FAR2: variants seen among roughly 807,000 people sequenced by gnomAD.
FAR2 encodes the protein fatty acyl-CoA reductase 2.
Under a neutral mutation model 56.0 loss-of-function variants are expected in FAR2, and 19 were observed. The observed-to-expected ratio is 0.34, with a 90% CI of 0.24 to 0.50. The LOEUF is 0.50. Among genes scored for constraint, FAR2 ranks in the 20% least tolerant of loss-of-function variants. FAR2 has a pLI of 0.98. For synonymous variants in FAR2, 219 were observed against 218.8 expected, an observed-to-expected ratio of 1.00 and a Z score of -0.01; for missense variants, 508 against 642.2, an observed-to-expected ratio of 0.79 and a Z score of 2.26.
At chr12:29,216,848 T>C (rs1947627339) in intron 1 of FAR2, among the ~76,000 whole-genome samples, 1 of 152,198 alleles carries the variant, frequency 6.6e-6, no homozygotes, top group African/African-American at 2.4e-5. Flanking sequence ...TAGGAGAAAC[T>C]AGATTTTATC....
Position 29,251,293 on chromosome 12 carries a change from C to A in FAR2, c.-38-19119C>A, listed in dbSNP as rs182929411. ...TGGGGCCAGGTCCCTTGAGGAAGGA[C>A]CCTGATACACTGCCAAAAAATTTAA... is the stretch of plus-strand genomic sequence containing the variant. On this transcript the variant is annotated intron_variant, in intron 1 of 11. Transcript: ENST00000536681. Among the ~76,000 whole-genome samples, 146 of 152,234 alleles carry A rather than the reference C, an allele frequency of 9.6e-4. 1 individual carries two copies. Among genetic ancestry groups the A allele is most frequent in the African/African-American group, 3.5e-3 (146 of 41,530 alleles).
intron 1 of FAR2, among the ~76,000 whole-genome samples, chr12:29,163,239 T>C (rs1232609214): frequency 2.0e-5 from 3 of 152,220 alleles, no homozygotes; most frequent in Non-Finnish European, 2.9e-5. Flanking sequence ...GTGCCTTAGT[T>C]TTCTATTTGT....
intron 8 of FAR2, among the ~76,000 whole-genome samples, chr12:29,314,432 C>CTTT (rs35073792): frequency 5.4e-4 from 78 of 143,946 alleles, no homozygotes; most frequent in Admixed American, 9.0e-4. Flanking sequence ...CCCTGTAGAT[C>CTTT]TTTTTTTTTT....
intron 10 of FAR2, among the ~76,000 whole-genome samples, chr12:29,330,051 T>G (rs1302854572): frequency 7.3e-6 from 1 of 136,866 alleles, no homozygotes; most frequent in East Asian, 2.2e-4. Context: ...CAAATACATT[T>G]ATGACTTTTT....
intron 1 of FAR2, among the ~76,000 whole-genome samples, chr12:29,269,970 C>G (rs574371547): frequency 6.6e-6 from 1 of 152,348 alleles, no homozygotes; most frequent in Non-Finnish European, 1.5e-5. Flanking sequence ...TGCCCTTGCT[C>G]TTTCCTTGGC....
At chr12:29,176,883 AAAG>A (rs1183524100) in intron 1 of FAR2, among the ~76,000 whole-genome samples, 1 of 152,240 alleles carries the variant, frequency 6.6e-6, no homozygotes, top group Non-Finnish European at 1.5e-5. Flanking sequence ...ATACTTTTTC[AAAG>A]AAGAAGTGAT....
At chr12:29,257,554 C>T (rs1221070101) in intron 1 of FAR2, among the ~76,000 whole-genome samples, 2 of 152,186 alleles carry the variant, frequency 1.3e-5, no homozygotes, top group Admixed American at 1.3e-4. Context: ...ACTGCTCACT[C>T]TTTGGGTCCA....
intron 1 of FAR2, among the ~76,000 whole-genome samples, chr12:29,193,139 C>T (rs965551562): frequency 3.3e-5 from 5 of 152,050 alleles, no homozygotes; most frequent in South Asian, 2.1e-4. Flanking sequence ...GAAAGTTCAG[C>T]GAGTTCCCAT....
rs1481589962 is a variant in FAR2, at chr12:29,178,372, T to C, written c.-39+28965T>C. 2.0e-5 allele frequency among the ~76,000 whole-genome samples: 3 copies of C among 152,212 alleles called. No homozygotes were observed. The East Asian group carries it at 5.8e-4, about 29-fold the overall frequency. ...ACTTTGGGAGGCTGAGGTGGGCAGA[T>C]TGCTTGAGCCCAGGAGTTGGAGACT... On this transcript the variant is annotated intron_variant, in intron 1 of 11. Coordinates refer to ENST00000536681, the MANE Select transcript of FAR2 (RefSeq NM_001271783.2).
intron 4 of FAR2, chr12:29,301,946 C>CT (rs976723739): frequency 6.6e-6 from 1 of 152,090 alleles, no homozygotes; most frequent in Admixed American, 6.6e-5. Context: ...TTAAAAGGTG[C>CT]TTTCTCGCTG....
intron 1 of FAR2, among the ~76,000 whole-genome samples, chr12:29,154,500 T>C (rs953848995): frequency 3.3e-5 from 5 of 151,994 alleles, no homozygotes; most frequent in Admixed American, 6.6e-5. Flanking sequence ...AGTGGTGTGA[T>C]CTCAGCTCAC....
chr12:29,306,273 A>C (rs1010695536), intron 4 of FAR2, among the ~76,000 whole-genome samples: 2 of 152,196 alleles, frequency 1.3e-5, no homozygotes, highest in Admixed American at 1.3e-4. Flanking sequence ...TTCTCTATTC[A>C]ATTCAAATAA....
chr12:29,279,046 A>T (rs553905063), intron 2 of FAR2, among the ~76,000 whole-genome samples: 4 of 152,378 alleles, frequency 2.6e-5, no homozygotes, highest in African/African-American at 9.6e-5. Flanking sequence ...CAAAACCCAT[A>T]GAGGGAAATT....
At chr12:29,268,210 A>G (rs1238252503) in intron 1 of FAR2, among the ~76,000 whole-genome samples, 1 of 152,114 alleles carries the variant, frequency 6.6e-6, no homozygotes, top group Admixed American at 6.6e-5. Flanking sequence ...ATAAGCCCTG[A>G]TGTCAGGGCC....
intron 8 of FAR2, among the ~76,000 whole-genome samples, chr12:29,313,989 T>G (rs2136795387): frequency 6.6e-6 from 1 of 152,350 alleles, no homozygotes; most frequent in Middle Eastern, 3.4e-3. Context: ...TTTATGGCTT[T>G]ATATTTCGCT....
At chr12:29,208,102 A>C (rs2136624724) in intron 1 of FAR2, among the ~76,000 whole-genome samples, 1 of 152,362 alleles carries the variant, frequency 6.6e-6, no homozygotes, top group Admixed American at 6.5e-5. Flanking sequence ...TTAGTATTAA[A>C]AGAAGTGTGT....
In FAR2 at chr12:29,274,246, A is replaced by C. The variant is rs1158271827; in HGVS notation, c.189+3608A>C. Among the ~76,000 whole-genome samples the C allele has an allele frequency of 5.0e-5, 6 of 120,790 alleles. No homozygotes were observed. The East Asian group carries it at 7.6e-4, about 15-fold the overall frequency. 79.2% of individuals were successfully genotyped at this position (120,790 alleles called of 152,430 possible). On this transcript the variant is annotated intron_variant, in intron 2 of 11. Transcript: ENST00000536681. ...ATGTGATGTTCCCCTTCCTGTGTCC[A>C]TGTGTTCTCATTGTTCAGTTCCCAC... is the stretch of plus-strand genomic sequence containing the variant.
intron 2 of FAR2, among the ~76,000 whole-genome samples, chr12:29,284,823 C>A (rs1005575233): frequency 8.4e-6 from 1 of 119,650 alleles, no homozygotes; most frequent in Non-Finnish European, 1.8e-5. Context: ...ACAGTAGAAG[C>A]ATTACTGTTT....
At chr12:29,332,519 T>G in intron 10 of FAR2, 81 bp from the exon 11 acceptor site, 1 of 1,580,934 alleles carries the variant, frequency 6.3e-7, no homozygotes, top group Non-Finnish European at 8.6e-7. Flanking sequence ...GTCACTCGTC[T>G]ATGTAGAAGA....
Sources: gnomAD v4.1 joint callset for allele counts (sites outside exome capture counted in the v4.1 genomes callset) on GRCh38, gnomAD v4.1.1 for gene constraint, MANE v1.5 for transcripts, NCBI Gene and HGNC (gene_info 2026-07-23, HGNC 2026-07-21) for gene names.